The following PPP1R7 variants were observed in gnomAD, a reference collection of about 807,000 sequenced individuals.
The protein encoded by PPP1R7 is protein phosphatase 1 regulatory subunit 22.
Under a neutral mutation model 45.2 loss-of-function variants are expected in PPP1R7, and 18 were observed. The observed-to-expected ratio is 0.40, with a 90% CI of 0.28 to 0.59. The LOEUF is 0.59. Among genes scored for constraint, PPP1R7 ranks in the 20% least tolerant of loss-of-function variants. The probability of loss-of-function intolerance (pLI) is 0.46; values close to 1 mark genes in which losing one functional copy is unlikely to be tolerated. For missense variants in PPP1R7, 314 were observed against 455.8 expected, an observed-to-expected ratio of 0.69 and a Z score of 2.83; for synonymous variants, 181 against 183.4, an observed-to-expected ratio of 0.99 and a Z score of 0.11.
chr2:241,154,214 A>G lies in PPP1R7; in HGVS notation c.181+610A>G, dbSNP rs948531212. ...AAAAAAAAAAAAAAAAGGAAAAAGA[A>G]AAGAACCGCAATATTGTTATATTAA... On this transcript the variant is annotated intron_variant, in intron 2 of 9. Transcript: ENST00000234038. Among the ~76,000 whole-genome samples the G allele has an allele frequency of 3.5e-4, 53 of 151,878 alleles. 1 individual carries two copies. The highest frequency in any genetic ancestry group is 1.2e-3 in the African/African-American group (51 of 41,446).
intron 9 of PPP1R7, among the ~76,000 whole-genome samples, chr2:241,177,415 T>TAA (rs35336750): frequency 2.4e-4 from 35 of 145,490 alleles, no homozygotes; most frequent in Non-Finnish European, 2.9e-4. Flanking sequence ...GACTCCACCT[T>TAA]AAAAAAAAAA....
At chr2:241,164,230 C>A (rs1466673374) in intron 7 of PPP1R7, among the ~76,000 whole-genome samples, 1 of 152,138 alleles carries the variant, frequency 6.6e-6, no homozygotes, top group East Asian at 1.9e-4. Flanking sequence ...CCACCCACCT[C>A]CCCCTTCTGC....
chr2:241,175,470 C>T (rs2067893988), intron 9 of PPP1R7, among the ~76,000 whole-genome samples: 1 of 152,184 alleles, frequency 6.6e-6, no homozygotes, highest in Non-Finnish European at 1.5e-5. Context: ...AGCATATTGA[C>T]CTGAAGATTC....
At position 241,151,084 on chromosome 2, in the gene PPP1R7, A is replaced by G. The variant is rs570019481; in HGVS notation, c.52+537A>G. Reference sequence around the variant, plus strand: ...TCATAGTTCCAAAAAGTCTGAATTCAACTTTCTTCCTCCTCATTCACTTTG... The same window carrying G: ...TCATAGTTCCAAAAAGTCTGAATTCGACTTTCTTCCTCCTCATTCACTTTG... On this transcript the variant is annotated intron_variant, in intron 1 of 9. Transcript: ENST00000234038. Among the ~76,000 whole-genome samples, 4 of 152,354 alleles carry G rather than the reference A, an allele frequency of 2.6e-5. No individual in the cohort carries two copies. The East Asian group carries it at 7.7e-4, about 29-fold the overall frequency.
At chr2:241,166,192 G>A (rs1222751848) in intron 7 of PPP1R7, 145 bp from the exon 8 acceptor site, 7 of 618,226 alleles carry the variant, frequency 1.1e-5, no homozygotes, top group South Asian at 1.9e-5. Context: ...ATGAGCCACC[G>A]CGCCCGGCCC....
chr2:241,154,725 G>A (rs2125480917), intron 2 of PPP1R7, among the ~76,000 whole-genome samples: 1 of 152,216 alleles, frequency 6.6e-6, no homozygotes, highest in Middle Eastern at 3.4e-3. Flanking sequence ...TTTCTGAACA[G>A]TATGCATGCA....
intron 9 of PPP1R7, among the ~76,000 whole-genome samples, chr2:241,174,263 G>A (rs77501421): frequency 0.024 from 3,629 of 152,158 alleles, 285 homozygotes; most frequent in East Asian, 0.21. Flanking sequence ...TGTGGTTGAC[G>A]GGAACACAAA....
intron 2 of PPP1R7, among the ~76,000 whole-genome samples, chr2:241,153,997 T>C (rs1353425025): frequency 2.0e-5 from 3 of 151,582 alleles, no homozygotes; most frequent in Non-Finnish European, 4.4e-5. Context: ...CTGGCCAACA[T>C]GGTGAAACCC....
chr2:241,161,875 G>A (rs143897136), intron 6 of PPP1R7, among the ~76,000 whole-genome samples: 63 of 152,326 alleles, frequency 4.1e-4, no homozygotes, highest in East Asian at 7.7e-4. Flanking sequence ...GTCATGGCAC[G>A]GAGCCTTTGC....
intron 7 of PPP1R7, among the ~76,000 whole-genome samples, chr2:241,164,998 A>G (rs1417610837): frequency 1.3e-5 from 2 of 152,144 alleles, no homozygotes; most frequent in African/African-American, 4.8e-5. Context: ...CAGTGAGCCA[A>G]GGTTGTGCCA....
rs1575397491 is a variant in PPP1R7, at chr2:241,166,243, T to C, written c.715-94T>C. The C allele has an allele frequency of 2.9e-6, 3 of 1,046,146 alleles. No homozygotes were observed. In the East Asian group the frequency reaches 7.8e-5, roughly 27 times the overall value. 64.8% of individuals were successfully genotyped at this position (1,046,146 alleles called of 1,614,324 possible). A position where few individuals can be genotyped will look rare whatever the true frequency, so the allele number is the denominator to read the frequency against. On this transcript the variant is annotated intron_variant, in intron 7 of 9. Coordinates refer to ENST00000234038, the MANE Select transcript of PPP1R7 (RefSeq NM_002712.3). ...TAAGTGAAATTCTCTGTTCTTAGAA[T>C]TCTTCAAGATAACACAAAACCTCGT...
intron 6 of PPP1R7, among the ~76,000 whole-genome samples, chr2:241,162,307 A>G (rs1025537486): frequency 6.6e-6 from 1 of 152,144 alleles, no homozygotes; most frequent in Non-Finnish European, 1.5e-5. Context: ...CCTGGTTAGC[A>G]TGCACCTTAT....
intron 9 of PPP1R7, among the ~76,000 whole-genome samples, chr2:241,174,512 C>G (rs530756334): frequency 1.3e-5 from 2 of 152,018 alleles, no homozygotes; most frequent in African/African-American, 4.8e-5. Flanking sequence ...GTGTGGCCAC[C>G]AGGCTCTGCT....
chr2:241,178,184 G>C (rs954979666), intron 9 of PPP1R7, among the ~76,000 whole-genome samples: 15 of 152,240 alleles, frequency 9.9e-5, no homozygotes, highest in Non-Finnish European at 1.5e-4. Flanking sequence ...CAGCATGTGT[G>C]CCTGGCCTGG....
intron 9 of PPP1R7, among the ~76,000 whole-genome samples, chr2:241,180,691 G>A (rs1329399297): frequency 1.3e-5 from 2 of 151,092 alleles, no homozygotes; most frequent in East Asian, 1.9e-4. Context: ...GCGGGGCGGT[G>A]CGAGTGTAGT....
At chr2:241,177,579 A>G (rs148337299) in intron 9 of PPP1R7, among the ~76,000 whole-genome samples, 36 of 152,386 alleles carry the variant, frequency 2.4e-4, no homozygotes, top group African/African-American at 8.7e-4. Context: ...TATGACATAC[A>G]AAAAGTTCTT....
At chr2:241,166,942 C>A (rs1399625664) in intron 8 of PPP1R7, 1 of 966,724 alleles carries the variant, frequency 1.0e-6, no homozygotes, top group Admixed American at 2.0e-5. Context: ...CCTCTTCTTA[C>A]AGTATGAGCA....
intron 6 of PPP1R7, among the ~76,000 whole-genome samples, chr2:241,162,615 G>A (rs1326062077): frequency 6.6e-6 from 1 of 152,014 alleles, no homozygotes; most frequent in Non-Finnish European, 1.5e-5. Context: ...AGGGTCCCAG[G>A]ATTTCAAAGA....
chr2:241,183,573 T>A lies in PPP1R7; in HGVS notation c.*750T>A. 9.9e-6 allele frequency: 4 copies of A among 402,924 alleles called. No homozygotes were observed. Among genetic ancestry groups the A allele is most frequent in the South Asian group, 7.4e-5 (4 of 54,002 alleles). 25.0% of individuals were successfully genotyped at this position (402,924 alleles called of 1,614,324 possible). A position where few individuals can be genotyped will look rare whatever the true frequency, so the allele number is the denominator to read the frequency against. ...GACGGCCTCCAAGGATCTGAACTCTTGGCCACTGGTATAGTGGCCTCCTGT... is the reference window on the plus strand; with the variant it reads ...GACGGCCTCCAAGGATCTGAACTCTAGGCCACTGGTATAGTGGCCTCCTGT... On this transcript the variant is annotated 3_prime_UTR_variant, in exon 10 of 10. Transcript: ENST00000234038.
Sources: gnomAD v4.1 joint callset for allele counts (sites outside exome capture counted in the v4.1 genomes callset) on GRCh38, gnomAD v4.1.1 for gene constraint, MANE v1.5 for transcripts, NCBI Gene and HGNC (gene_info 2026-07-23, HGNC 2026-07-21) for gene names.